The following EMILIN2 variants were observed in gnomAD, a reference collection of about 807,000 sequenced individuals.
EMILIN2 encodes the protein EMILIN-2.
A neutral mutation model predicts 87.1 loss-of-function variants in EMILIN2; 71 were observed. The ratio of observed to expected loss-of-function variants is 0.82; its 90% CI spans 0.67 to 0.99. EMILIN2 has a LOEUF of 0.99. EMILIN2 is among the 50% of genes least tolerant of loss of function. EMILIN2 has a pLI of 0.00. For missense variants in EMILIN2, 1,407 were observed against 1,371.8 expected (o/e 1.03, Z -0.40); for synonymous variants, 581 against 563.4 (o/e 1.03, Z -0.44).
At chr18:2,901,164 C>G (rs571386023) in intron 4 of EMILIN2, among the ~76,000 whole-genome samples, 1 of 152,234 alleles carries the variant, frequency 6.6e-6, no homozygotes, top group East Asian at 1.9e-4. Flanking sequence ...ACAGCCGAGT[C>G]TCAACCACAG....
chr18:2,851,208 C>T lies in EMILIN2; in HGVS notation c.257+3277C>T, dbSNP rs150645392. On this transcript the variant is annotated intron_variant, in intron 2 of 7. Coordinates refer to ENST00000254528, the MANE Select transcript of EMILIN2 (RefSeq NM_032048.3). ...ATCCCAACATTTTGGGAGGCTGAGG[C>T]GGGAGGATCACTTGAGCCCAAGAGT... Among the ~76,000 whole-genome samples the T allele has an allele frequency of 6.7e-3, 1,014 of 150,866 alleles. 5 individuals carry two copies. Among genetic ancestry groups the T allele is most frequent in the Non-Finnish European group, 0.011 (731 of 67,796 alleles).
chr18:2,854,080 G>A (rs1047087306), intron 2 of EMILIN2, among the ~76,000 whole-genome samples: 4 of 152,152 alleles, frequency 2.6e-5, no homozygotes, highest in Non-Finnish European at 5.9e-5. Flanking sequence ...CCAGAGGTGA[G>A]GCAGGATTAT....
chr18:2,912,942 C>A, intron 7 of EMILIN2, 125 bp from the exon 8 acceptor site: 1 of 1,008,148 alleles, frequency 9.9e-7, no homozygotes, highest in Non-Finnish European at 1.4e-6. Flanking sequence ...AGGCAGCCAG[C>A]TACCATGGGA....
intron 2 of EMILIN2, among the ~76,000 whole-genome samples, chr18:2,882,113 G>A (rs763698193): frequency 6.6e-6 from 1 of 152,182 alleles, no homozygotes; most frequent in Non-Finnish European, 1.5e-5. Flanking sequence ...TGGATAAGTC[G>A]CTTAACCCCA....
At chr18:2,911,004 G>T (rs547348708) in intron 7 of EMILIN2, among the ~76,000 whole-genome samples, 6 of 152,212 alleles carry the variant, frequency 3.9e-5, no homozygotes, top group African/African-American at 1.4e-4. Flanking sequence ...GGCCTTTGGG[G>T]TCAGTACATC....
At chr18:2,864,431 C>G (rs1284531577) in intron 2 of EMILIN2, among the ~76,000 whole-genome samples, 2 of 152,148 alleles carry the variant, frequency 1.3e-5, no homozygotes, top group African/African-American at 4.8e-5. Context: ...GACAAAATCT[C>G]TCAGCATTTG....
chr18:2,887,953 A>G (rs1263611799), intron 3 of EMILIN2, among the ~76,000 whole-genome samples: 1 of 152,154 alleles, frequency 6.6e-6, no homozygotes, highest in Non-Finnish European at 1.5e-5. Flanking sequence ...AGGCAGAACC[A>G]CTGCACTCGA....
chr18:2,866,263 A>T (rs576459913), intron 2 of EMILIN2, among the ~76,000 whole-genome samples: 3 of 152,210 alleles, frequency 2.0e-5, no homozygotes, highest in Non-Finnish European at 4.4e-5. Context: ...GGAAATGCAG[A>T]AATCACCTGT....
At chr18:2,899,614 C>T (rs1302346211) in intron 4 of EMILIN2, among the ~76,000 whole-genome samples, 4 of 152,112 alleles carry the variant, frequency 2.6e-5, no homozygotes, top group Non-Finnish European at 5.9e-5. Context: ...AAGCAATTCT[C>T]CTGCCTCAGC....
chr18:2,885,583 A>G (rs143813510), intron 3 of EMILIN2, among the ~76,000 whole-genome samples: 387 of 152,228 alleles, frequency 2.5e-3, no homozygotes, highest in Middle Eastern at 0.014. Flanking sequence ...CAGTGGCGCA[A>G]TCTCGGTTCA....
At chr18:2,886,903 C>G (rs75483687) in intron 3 of EMILIN2, among the ~76,000 whole-genome samples, 3,221 of 152,222 alleles carry the variant, frequency 0.021, 51 homozygotes, top group Non-Finnish European at 0.028. Flanking sequence ...TCTCACTTGC[C>G]CTACCTGGAC....
intron 2 of EMILIN2, among the ~76,000 whole-genome samples, chr18:2,864,853 C>A (rs1262852424): frequency 6.6e-6 from 1 of 152,196 alleles, no homozygotes; most frequent in Non-Finnish European, 1.5e-5. Flanking sequence ...TTCAGGTACA[C>A]CAATCAGACG....
chr18:2,862,053 A>C (rs1252794105), intron 2 of EMILIN2, among the ~76,000 whole-genome samples: 1 of 152,188 alleles, frequency 6.6e-6, no homozygotes, highest in Non-Finnish European at 1.5e-5. Context: ...TTGGTGTATA[A>C]GAATGCTGGT....
At chr18:2,901,574 T>G (rs625673) in intron 4 of EMILIN2, among the ~76,000 whole-genome samples, 32,980 of 152,216 alleles carry the variant, frequency 0.22, 3,663 homozygotes, top group Non-Finnish European at 0.25. Flanking sequence ...ACCCGACCCG[T>G]GCGGAGTGTC....
intron 4 of EMILIN2, among the ~76,000 whole-genome samples, chr18:2,904,752 G>A (rs1038397255): frequency 2.6e-5 from 4 of 152,110 alleles, no homozygotes; most frequent in South Asian, 4.1e-4. Context: ...GGTCCCTGTC[G>A]TTCACACAGG....
Position 2,892,304 on chromosome 18 carries a change from T to C in EMILIN2, c.2177T>C (p.Ile726Thr), listed in dbSNP as rs753602391. The change falls in exon 4 of 8, where the codon ATC becomes ACC. Residue 726 changes from isoleucine to threonine, a missense_variant. Ile to Thr is a moderately conservative substitution (Grantham distance 89). Transcript: ENST00000254528. ...LDSISGNLQR[I>T]KEGLNKHVSS... ...TCTATCTCAGGAAATCTTCAGAGGA[T>C]CAAGGAGGGGCTCAACAAGCATGTC... 1.9e-6 allele frequency: 3 copies of C among 1,614,050 alleles called. No individual in the cohort carries two copies. Among genetic ancestry groups the C allele is most frequent in the Middle Eastern group, 1.7e-4 (1 of 6,060 alleles).
chr18:2,851,667 T>C (rs535492397), intron 2 of EMILIN2, among the ~76,000 whole-genome samples: 3 of 152,318 alleles, frequency 2.0e-5, no homozygotes, highest in African/African-American at 4.8e-5. Context: ...GATTAGACGG[T>C]GCCCTGTTTA....
chr18:2,887,992 T>C (rs909260289), intron 3 of EMILIN2, among the ~76,000 whole-genome samples: 3 of 152,136 alleles, frequency 2.0e-5, no homozygotes, highest in Non-Finnish European at 4.4e-5. Context: ...TTGAATAACC[T>C]ATAATGGACA....
At position 2,913,122 on chromosome 18, in the gene EMILIN2, CGA is replaced by C. The variant is rs1277037398; in HGVS notation, c.2887_2888del (p.Asp963ArgfsTer72). 9.3e-6 allele frequency: 15 copies of C among 1,613,432 alleles called. No homozygotes were observed. Among genetic ancestry groups the C allele is most frequent in the East Asian group, 2.2e-5 (1 of 44,886 alleles). ...RYLITATLTP[E>X]RDAYVEAVLS... ...ACCTGATCACGGCCACCCTCACCCC[CGA>C]GAGAGACGCCTACGTGGAAGCAGTG... On this transcript the variant is annotated frameshift_variant, in exon 8 of 8. Transcript: ENST00000254528. LOFTEE classifies it high-confidence loss of function.
Sources: allele counts gnomAD v4.1 joint callset (sites outside exome capture counted in the v4.1 genomes callset), GRCh38; gene constraint gnomAD v4.1.1; transcripts MANE v1.5; gene names NCBI Gene and HGNC (gene_info 2026-07-23, HGNC 2026-07-21).